GABRG3: variants seen among roughly 807,000 people sequenced by gnomAD.
GABRG3 encodes the protein gamma-aminobutyric acid receptor subunit gamma-3.
A neutral mutation model predicts 48.8 loss-of-function variants in GABRG3; 25 were observed. That is an observed-to-expected ratio of 0.51 (90% confidence interval 0.37 to 0.72). GABRG3 has a LOEUF of 0.72. Ranked by LOEUF, GABRG3 falls within the 30% of genes least tolerant of loss-of-function variation. The pLI, the probability that GABRG3 is intolerant of heterozygous loss-of-function variation, is 0.00. For missense variants in GABRG3, 394 were observed against 577.9 expected, an observed-to-expected ratio of 0.68 and a Z score of 3.26; for synonymous variants, 227 against 217.6, an observed-to-expected ratio of 1.04 and a Z score of -0.38.
At chr15:27,329,480 G>T (rs928559717) in intron 5 of GABRG3, among the ~76,000 whole-genome samples, 3 of 152,088 alleles carry the variant, frequency 2.0e-5, no homozygotes, top group Admixed American at 6.6e-5. Context: ...GGTCAGGCTA[G>T]TCTCAAACTC....
At chr15:27,403,913 AC>A (rs1462342900) in intron 5 of GABRG3, among the ~76,000 whole-genome samples, 5,883 of 134,920 alleles carry the variant, frequency 0.044, 579 homozygotes, top group African/African-American at 0.17. Flanking sequence ...TCAAAAAAAA[AC>A]AAAAAAAAAA....
intron 5 of GABRG3, among the ~76,000 whole-genome samples, chr15:27,386,433 C>T (rs1239456659): frequency 1.3e-5 from 2 of 152,062 alleles, no homozygotes; most frequent in Non-Finnish European, 2.9e-5. Context: ...GGCTGATCAG[C>T]TTTTTCTTAC....
intron 5 of GABRG3, among the ~76,000 whole-genome samples, chr15:27,358,371 A>T (rs1463616195): frequency 6.6e-6 from 1 of 152,154 alleles, no homozygotes; most frequent in African/African-American, 2.4e-5. Context: ...CCTTTGGCAA[A>T]TCTGCTCTGG....
chr15:27,176,830 G>A (rs1887761348), intron 3 of GABRG3, among the ~76,000 whole-genome samples: 1 of 152,122 alleles, frequency 6.6e-6, no homozygotes. Flanking sequence ...GCTGGGGATG[G>A]GCAGCCCAGC....
chr15:27,311,775 A>G (rs767746130), intron 3 of GABRG3, among the ~76,000 whole-genome samples: 3 of 152,090 alleles, frequency 2.0e-5, no homozygotes, highest in African/African-American at 7.2e-5. Flanking sequence ...GGGACTGCTT[A>G]AAACCAAGAA....
At chr15:27,484,248 TTTG>T (rs751215496) in intron 6 of GABRG3, among the ~76,000 whole-genome samples, 10 of 152,196 alleles carry the variant, frequency 6.6e-5, no homozygotes, top group Non-Finnish European at 1.5e-4. Context: ...TCAGAGACTT[TTTG>T]TTATCTCTTC....
chr15:26,981,268 A>G (rs1895048056), intron 2 of GABRG3, among the ~76,000 whole-genome samples: 2 of 152,244 alleles, frequency 1.3e-5, no homozygotes, highest in Admixed American at 1.3e-4. Flanking sequence ...GCATTTCTGT[A>G]CAAAAAAAGA....
At position 27,292,042 on chromosome 15, in the gene GABRG3, G is replaced by A. The variant is rs184481887; in HGVS notation, c.271-34767G>A. On this transcript the variant is annotated intron_variant, in intron 3 of 9. Coordinates refer to ENST00000615808, the MANE Select transcript of GABRG3 (RefSeq NM_033223.5). ...TATGAGTGAGAACATGTGGTGTTTG[G>A]TTTTCTGTTCTTGTATTAGTTTGCT... 8.4e-3 allele frequency among the ~76,000 whole-genome samples: 1,282 copies of A among 152,228 alleles called. 12 individuals carry two copies. Among genetic ancestry groups the A allele is most frequent in the Non-Finnish European group, 0.013 (893 of 68,026 alleles).
chr15:27,477,317 A>T (rs536201834), intron 5 of GABRG3, among the ~76,000 whole-genome samples: 1 of 152,334 alleles, frequency 6.6e-6, no homozygotes, highest in East Asian at 1.9e-4. Context: ...TAATAAGCAA[A>T]CCTGAAATAG....
At chr15:27,245,668 T>C (rs1890247286) in intron 3 of GABRG3, among the ~76,000 whole-genome samples, 1 of 106,460 alleles carries the variant, frequency 9.4e-6, no homozygotes, top group Admixed American at 9.0e-5. Context: ...CGTCAGGAGT[T>C]CGAAACCAGC....
chr15:27,311,492 A>G (rs1384326097), intron 3 of GABRG3, among the ~76,000 whole-genome samples: 2 of 152,148 alleles, frequency 1.3e-5, no homozygotes, highest in African/African-American at 4.8e-5. Context: ...AAGTGAGAAC[A>G]GAGATGACAA....
intron 2 of GABRG3, among the ~76,000 whole-genome samples, chr15:26,993,342 A>G (rs953162945): frequency 9.2e-5 from 14 of 152,012 alleles, no homozygotes; most frequent in African/African-American, 3.1e-4. Flanking sequence ...AGGCACTTAC[A>G]GCTATAAATT....
chr15:27,110,877 G>T (rs942671434), intron 3 of GABRG3, among the ~76,000 whole-genome samples: 8 of 151,970 alleles, frequency 5.3e-5, no homozygotes, highest in African/African-American at 1.9e-4. Flanking sequence ...GTTATTTTTG[G>T]TATTTTTCCT....
At position 27,375,313 on chromosome 15, in the gene GABRG3, T is replaced by C. The variant is rs189582353; in HGVS notation, c.574+46425T>C. 3.3e-3 allele frequency among the ~76,000 whole-genome samples: 505 copies of C among 152,296 alleles called. 5 individuals carry two copies. The highest frequency in any genetic ancestry group is 0.012 in the African/African-American group (479 of 41,562). Reference sequence around the variant, plus strand: ...AACTTCAGAGAACAACTTCATCCTGTGTTTGGGAGAAACAGAGGATTGAGA... The same window carrying C: ...AACTTCAGAGAACAACTTCATCCTGCGTTTGGGAGAAACAGAGGATTGAGA... On this transcript the variant is annotated intron_variant, in intron 5 of 9. Coordinates refer to ENST00000615808, the MANE Select transcript of GABRG3 (RefSeq NM_033223.5).
At chr15:27,146,256 C>A (rs1438921698) in intron 3 of GABRG3, among the ~76,000 whole-genome samples, 1 of 152,112 alleles carries the variant, frequency 6.6e-6, no homozygotes, top group African/African-American at 2.4e-5. Context: ...AGATTGAGAC[C>A]AGCCTGGCTA....
At chr15:27,434,373 G>A (rs77365815) in intron 5 of GABRG3, among the ~76,000 whole-genome samples, 4 of 152,132 alleles carry the variant, frequency 2.6e-5, no homozygotes, top group Non-Finnish European at 4.4e-5. Context: ...CAAAAGAAAC[G>A]TTTAACTTAC....
At chr15:27,456,281 A>G (rs748274372) in intron 5 of GABRG3, among the ~76,000 whole-genome samples, 1 of 152,140 alleles carries the variant, frequency 6.6e-6, no homozygotes, top group Non-Finnish European at 1.5e-5. Context: ...TCCTCTGTAG[A>G]TCTCAAGAAC....
Position 27,004,011 on chromosome 15 carries a change from G to T in GABRG3, c.203-22743G>T, listed in dbSNP as rs560862425. 2.0e-5 allele frequency among the ~76,000 whole-genome samples: 3 copies of T among 149,700 alleles called. No individual in the cohort carries two copies. In the South Asian group the frequency reaches 6.3e-4, roughly 31 times the overall value. On this transcript the variant is annotated intron_variant, in intron 2 of 9. Transcript: ENST00000615808. ...CCCCCACCTCCCTCCCGGACGGGGC[G>T]GCTGTCCGGGCGGGGGGCTGAACCC... is the stretch of plus-strand genomic sequence containing the variant.
chr15:27,408,096 G>A (rs1428222757), intron 5 of GABRG3, among the ~76,000 whole-genome samples: 1 of 152,018 alleles, frequency 6.6e-6, no homozygotes, highest in African/African-American at 2.4e-5. Context: ...ACTGTGACCC[G>A]AAAACTGCTT....
Sources: allele counts gnomAD v4.1 joint callset (sites outside exome capture counted in the v4.1 genomes callset), GRCh38; gene constraint gnomAD v4.1.1; transcripts MANE v1.5; gene names NCBI Gene and HGNC (gene_info 2026-07-23, HGNC 2026-07-21).